The following SMC4 variants were observed in gnomAD, a reference collection of about 807,000 sequenced individuals.
SMC4 encodes the protein structural maintenance of chromosomes 4.
In SMC4, 87 loss-of-function variants were observed where a neutral mutation model predicts 145.6. The observed-to-expected ratio is 0.60, with a 90% CI of 0.50 to 0.71. The LOEUF (loss-of-function observed/expected upper bound fraction) is 0.71. SMC4 is among the 30% of genes least tolerant of loss of function. SMC4 has a pLI of 0.00. For synonymous variants in SMC4, 558 were observed against 500.7 expected (o/e 1.11, Z -1.53); for missense variants, 1,447 against 1,537.1 (o/e 0.94, Z 0.98).
In SMC4 at chr3:160,429,062, G is replaced by T. The variant is rs559098730; in HGVS notation, c.2795+120G>T. On this transcript the variant is annotated intron_variant, in intron 18 of 23. Transcript: ENST00000357388. ...TACTGTTAATTTATTGAACCTGTCT[G>T]ACACATTACCTAATGGGACTTCCAT... 5.5e-5 allele frequency: 44 copies of T among 799,782 alleles called. No individual in the cohort carries two copies. The African/African-American group carries it at 7.1e-4, about 13-fold the overall frequency. 49.5% of individuals were successfully genotyped at this position (799,782 alleles called of 1,614,324 possible).
chr3:160,432,178 G>T (rs1437155743), intron 21 of SMC4, 105 bp from the exon 22 acceptor site: 1 of 890,578 alleles, frequency 1.1e-6, no homozygotes, highest in African/African-American at 1.7e-5. Flanking sequence ...CTCCAGCCTG[G>T]GCGTCAGGGC....
chr3:160,426,145 C>G lies in SMC4; in HGVS notation c.2550C>G (p.Ala850=), dbSNP rs763395561. 1 of 1,608,030 alleles carries G rather than the reference C, an allele frequency of 6.2e-7. No homozygotes were observed. Among genetic ancestry groups the G allele is most frequent in the Non-Finnish European group, 8.5e-7 (1 of 1,176,438 alleles). ...TTGAAGCTAATGTACTTGCTACAGC[C>G]CCTGACAAAAAAAAGCAGAAATTGC... The part of the protein sequence containing the change: ...KELEANVLAT[A]PDKKKQKLLE... The change falls in exon 17 of 24, where the codon GCC becomes GCG. Residue 850 remains alanine (A), a synonymous_variant. Transcript: ENST00000357388.
intron 7 of SMC4, among the ~76,000 whole-genome samples, chr3:160,413,269 CCA>C (rs913242627): frequency 6.6e-5 from 10 of 152,032 alleles, no homozygotes; most frequent in African/African-American, 2.2e-4. Flanking sequence ...CAGGCGTCGG[CCA>C]CCACATTGGT....
rs1716754914 is a variant in SMC4, at chr3:160,417,887, CAAAG to C, written c.1607_1610del (p.Glu536GlyfsTer8). On this transcript the variant is annotated frameshift_variant, in exon 11 of 24. Transcript: ENST00000357388. LOFTEE classifies it high-confidence loss of function. The stretch of plus-strand genomic sequence containing the variant: ...CTCTAATTGCAGCTTCTGAGACTCT[CAAAG>C]AAAGGAAAGCTGCAATCAGAGATAT... 6.2e-7 allele frequency: 1 copy of C among 1,613,540 alleles called. No homozygotes were observed. Among genetic ancestry groups the C allele is most frequent in the Middle Eastern group, 1.7e-4 (1 of 6,058 alleles).
intron 5 of SMC4, among the ~76,000 whole-genome samples, chr3:160,406,929 T>A (rs1453066731): frequency 6.6e-6 from 1 of 152,210 alleles, no homozygotes; most frequent in Non-Finnish European, 1.5e-5. Context: ...TTGTTGTGAT[T>A]GACCATTGTG....
In SMC4 at chr3:160,424,966, C is replaced by A; in HGVS notation, c.2425C>A (p.His809Asn). 2.5e-6 allele frequency: 4 copies of A among 1,612,902 alleles called. No homozygotes were observed. The highest frequency in any genetic ancestry group is 3.4e-6 in the Non-Finnish European group (4 of 1,179,786). ...TGAAGAAAGAGTAGTTAAGTTACGG[C>A]ATAGTGAACGAGAAATGAGGAACAC... ...QLEERVVKLR[H>N]SEREMRNTLE... The change falls in exon 16 of 24, where the codon CAT (histidine) becomes AAT (asparagine). Residue 809 changes from histidine to asparagine, a missense_variant. By Grantham distance (68) the His-to-Asn change is moderately conservative. Transcript: ENST00000357388.
rs1446512316 is a variant in SMC4 at position 160,412,018 on chromosome 3, G to A, written c.786G>A (p.Arg262=). Residue 262 remains arginine, a synonymous_variant, in exon 6 of 24, where the codon CGG becomes CGA. Coordinates refer to ENST00000357388, the MANE Select transcript of SMC4 (RefSeq NM_001002800.3). ...EYLEDIIGCG[R]LNEPIKVLCR... ...TAGAAGATATAATTGGTTGTGGACG[G>A]CTAAATGAACCTATTAAAGTCTTGT... The A allele has an allele frequency of 1.7e-5, 27 of 1,613,520 alleles. No individual in the cohort carries two copies. Among genetic ancestry groups the A allele is most frequent in the Non-Finnish European group, 2.2e-5 (26 of 1,179,782 alleles).
intron 18 of SMC4, among the ~76,000 whole-genome samples, chr3:160,429,780 G>A (rs900040362): frequency 6.9e-6 from 1 of 145,560 alleles, no homozygotes; most frequent in East Asian, 2.1e-4. Flanking sequence ...ACAGTGGCGC[G>A]ATCTCGGCTC....
At chr3:160,400,728 C>G (rs1184405867) in intron 1 of SMC4, 94 bp from the exon 2 acceptor site, 3 of 1,370,872 alleles carry the variant, frequency 2.2e-6, no homozygotes, top group African/African-American at 1.5e-5. Flanking sequence ...AAGCGGGGCT[C>G]TCGGAAGCCG....
chr3:160,418,873 C>G (rs571032887), intron 11 of SMC4, among the ~76,000 whole-genome samples: 2 of 151,992 alleles, frequency 1.3e-5, no homozygotes, highest in Admixed American at 6.6e-5. Flanking sequence ...TTTTGTATAG[C>G]AATAGGACTA....
intron 17 of SMC4, among the ~76,000 whole-genome samples, chr3:160,427,074 C>G (rs1402757700): frequency 1.3e-5 from 2 of 152,174 alleles, no homozygotes; most frequent in East Asian, 3.9e-4. Flanking sequence ...TGACACATTT[C>G]CACAATGCAT....
rs1432495069 is a variant in SMC4, at chr3:160,434,081, A to T, written c.*272A>T. The T allele has an allele frequency of 3.7e-6, 1 of 271,354 alleles. No individual in the cohort carries two copies. Among genetic ancestry groups the T allele is most frequent in the African/African-American group, 2.3e-5 (1 of 43,928 alleles). 16.8% of individuals were successfully genotyped at this position (271,354 alleles called of 1,614,324 possible). On this transcript the variant is annotated 3_prime_UTR_variant, in exon 24 of 24. Coordinates refer to ENST00000357388, the MANE Select transcript of SMC4 (RefSeq NM_001002800.3). Reference sequence around the variant, plus strand: ...AACTTGCCAAACTAAAAAGTATGTTAGTTGAGGCAAAGTCCTAAGCAAGGT... The same window carrying T: ...AACTTGCCAAACTAAAAAGTATGTTTGTTGAGGCAAAGTCCTAAGCAAGGT...
chr3:160,432,992 G>A, intron 22 of SMC4, 34 bp from the exon 23 acceptor site: 2 of 1,477,150 alleles, frequency 1.4e-6, no homozygotes, highest in Non-Finnish European at 1.9e-6. Flanking sequence ...TAGCTTTACA[G>A]GTAATTTGAC....
chr3:160,402,630 G>T, intron 3 of SMC4, 46 bp from the exon 4 acceptor site: 1 of 1,562,762 alleles, frequency 6.4e-7, no homozygotes, highest in South Asian at 1.2e-5. Context: ...GTATTAGCAT[G>T]ACCTTATGAA....
intron 5 of SMC4, among the ~76,000 whole-genome samples, chr3:160,409,957 TC>T (rs1341707698): frequency 6.6e-6 from 1 of 152,110 alleles, no homozygotes; most frequent in Non-Finnish European, 1.5e-5. Flanking sequence ...GCATCTGTAG[TC>T]CCGGCTACTT....
At chr3:160,418,079 C>CA in intron 11 of SMC4, 123 bp downstream of exon 11, 1 of 754,894 alleles carries the variant, frequency 1.3e-6, no homozygotes, top group South Asian at 1.6e-5. Context: ...TGTATAATCT[C>CA]AAAAGAATGA....
Position 160,417,816 on chromosome 3 carries a change from AGTC to A in SMC4, c.1535_1537del (p.Arg512del). ...CCAGTCAGAACTTGATATCTATCTC[AGTC>A]GTCATAATACTGCAGTGTCTCAATT... is the stretch of plus-strand genomic sequence containing the variant. On this transcript the variant is annotated inframe_deletion, in exon 11 of 24. Transcript: ENST00000357388. The A allele has an allele frequency of 6.2e-7, 1 of 1,612,826 alleles. No homozygotes were observed. Among genetic ancestry groups the A allele is most frequent in the Non-Finnish European group, 8.5e-7 (1 of 1,178,980 alleles).
At position 160,401,832 on chromosome 3, in the gene SMC4, C is replaced by T. The variant is rs1464904633; in HGVS notation, c.140-83C>T. Reference sequence around the variant, plus strand: ...ATCCCCTACTTTAAAGATGGGCAGTCATTAGTTCTCCGAACTAATTGCACT... The same window carrying T: ...ATCCCCTACTTTAAAGATGGGCAGTTATTAGTTCTCCGAACTAATTGCACT... On this transcript the variant is annotated intron_variant, in intron 2 of 23. Transcript: ENST00000357388. 4 of 1,002,566 alleles carry T rather than the reference C, an allele frequency of 4.0e-6. No individual in the cohort carries two copies. In the East Asian group the frequency reaches 1.1e-4, roughly 28 times the overall value. 62.1% of individuals were successfully genotyped at this position (1,002,566 alleles called of 1,614,324 possible). A position where few individuals can be genotyped will look rare whatever the true frequency, so the allele number is the denominator to read the frequency against.
intron 5 of SMC4, among the ~76,000 whole-genome samples, chr3:160,410,088 A>T (rs944299505): frequency 6.6e-6 from 1 of 152,154 alleles, no homozygotes; most frequent in African/African-American, 2.4e-5. Flanking sequence ...AAAAATAATA[A>T]ATGAGTGAAC....
Sources: gnomAD v4.1 joint callset for allele counts (sites outside exome capture counted in the v4.1 genomes callset) on GRCh38, gnomAD v4.1.1 for gene constraint, MANE v1.5 for transcripts, NCBI Gene and HGNC (gene_info 2026-07-23, HGNC 2026-07-21) for gene names.